LHFPL3: variants seen among roughly 807,000 people sequenced by gnomAD.
LHFPL3 encodes LHFPL tetraspan subfamily member 3, also known as LHFPL tetraspan subfamily member 3 protein.
LHFPL3 carries 5 observed loss-of-function variants against 19.3 expected under a neutral mutation model. The ratio of observed to expected loss-of-function variants is 0.26; its 90% confidence interval spans 0.14 to 0.54. LHFPL3 has a LOEUF of 0.54. Among genes scored for constraint, LHFPL3 ranks in the 20% least tolerant of loss-of-function variants. The pLI is 0.94. For missense variants in LHFPL3, 249 were observed against 307.4 expected, an observed-to-expected ratio of 0.81 and a Z score of 1.42; for synonymous variants, 133 against 126.2, an observed-to-expected ratio of 1.05 and a Z score of -0.36.
chr7:104,465,636 C>A (rs1039188035), intron 1 of LHFPL3, among the ~76,000 whole-genome samples: 1 of 152,148 alleles, frequency 6.6e-6, no homozygotes, highest in Admixed American at 6.5e-5. Flanking sequence ...GGGAAAGCCC[C>A]TTATAAAACC....
Position 104,508,189 on chromosome 7 carries a change from G to A in LHFPL3, c.445+178965G>A, listed in dbSNP as rs184236163. On this transcript the variant is annotated intron_variant, in intron 1 of 2. Transcript: ENST00000424859. ...GTTTATTGCGGCATTATTCACGATCGCAAACACTTGGAACCAACCCAAATG... is the reference window on the plus strand; with the variant it reads ...GTTTATTGCGGCATTATTCACGATCACAAACACTTGGAACCAACCCAAATG... Among the ~76,000 whole-genome samples, 601 of 152,132 alleles carry A rather than the reference G, an allele frequency of 4.0e-3. 5 individuals are homozygous for A. The highest frequency in any genetic ancestry group is 0.013 in the African/African-American group (557 of 41,468).
At chr7:104,768,364 G>A (rs571851902) in intron 2 of LHFPL3, among the ~76,000 whole-genome samples, 18 of 152,142 alleles carry the variant, frequency 1.2e-4, no homozygotes, top group Admixed American at 5.9e-4. Context: ...TTTGTGAACC[G>A]ACATCACACT....
intron 2 of LHFPL3, among the ~76,000 whole-genome samples, chr7:104,824,582 A>T (rs1313912883): frequency 3.0e-5 from 2 of 66,004 alleles, no homozygotes; most frequent in African/African-American, 5.6e-5. Flanking sequence ...TTTTATATAT[A>T]ATATATATAA....
At chr7:104,721,893 A>T (rs1288321648) in intron 1 of LHFPL3, among the ~76,000 whole-genome samples, 4 of 152,208 alleles carry the variant, frequency 2.6e-5, no homozygotes, top group African/African-American at 9.6e-5. Flanking sequence ...AGCTATTATT[A>T]TGATGTGTAT....
At chr7:104,514,456 A>C (rs1005874197) in intron 1 of LHFPL3, among the ~76,000 whole-genome samples, 10 of 152,192 alleles carry the variant, frequency 6.6e-5, no homozygotes, top group African/African-American at 2.4e-4. Flanking sequence ...AGCCACAGTC[A>C]CCAGCCCATT....
intron 1 of LHFPL3, among the ~76,000 whole-genome samples, chr7:104,374,346 A>T (rs1790669440): frequency 6.6e-6 from 1 of 151,972 alleles, no homozygotes; most frequent in Middle Eastern, 3.4e-3. Flanking sequence ...GGTTCAAGCG[A>T]TTCTCCTGCC....
chr7:104,346,825 CT>C (rs1229201840), intron 1 of LHFPL3, among the ~76,000 whole-genome samples: 1 of 151,204 alleles, frequency 6.6e-6, no homozygotes, highest in Non-Finnish European at 1.5e-5. Flanking sequence ...GACTAACACA[CT>C]TTCTAATGTT....
intron 1 of LHFPL3, among the ~76,000 whole-genome samples, chr7:104,691,711 G>C (rs753364747): frequency 3.9e-5 from 6 of 152,240 alleles, no homozygotes; most frequent in Non-Finnish European, 7.3e-5. Flanking sequence ...ACCTCTCTGA[G>C]TGGTCAAAAA....
At chr7:104,832,475 A>C (rs977541914) in intron 2 of LHFPL3, among the ~76,000 whole-genome samples, 1 of 151,800 alleles carries the variant, frequency 6.6e-6, no homozygotes, top group Non-Finnish European at 1.5e-5. Context: ...CCTGTAAAGC[A>C]TATTTAACTT....
intron 2 of LHFPL3, among the ~76,000 whole-genome samples, chr7:104,858,624 A>T (rs967250014): frequency 6.6e-6 from 1 of 152,130 alleles, no homozygotes; most frequent in African/African-American, 2.4e-5. Context: ...CCCTGCTGGG[A>T]TAAAACTCAT....
At chr7:104,710,148 C>T (rs1048868445) in intron 1 of LHFPL3, among the ~76,000 whole-genome samples, 17 of 152,208 alleles carry the variant, frequency 1.1e-4, no homozygotes, top group Non-Finnish European at 4.4e-5. Flanking sequence ...CGGCGAAACC[C>T]CATCTCCACC....
rs910524519 is a variant in LHFPL3, at chr7:104,669,149, C to G, written c.446-67526C>G. The G allele has an allele frequency of 4.3e-6, 7 of 1,613,216 alleles. No homozygotes were observed. The Admixed American group carries it at 1.2e-4, about 27-fold the overall frequency. ...TCTAAACCTCCCAAACCTGATCAGC[C>G]CCTAAAGGTAATGCCAGCCCCTCCA... On this transcript the variant is annotated intron_variant, in intron 1 of 2. Transcript: ENST00000424859.
intron 2 of LHFPL3, among the ~76,000 whole-genome samples, chr7:104,808,232 C>T (rs534339312): frequency 3.9e-5 from 6 of 152,232 alleles, no homozygotes; most frequent in Admixed American, 6.5e-5. Flanking sequence ...TTATCAAGCA[C>T]CTGCTAGCTA....
chr7:104,399,636 A>ATT lies in LHFPL3; in HGVS notation c.445+70428_445+70429dup, dbSNP rs1196165566. Among the ~76,000 whole-genome samples, 1,339 of 123,014 alleles carry ATT rather than the reference A, an allele frequency of 0.011. 26 individuals carry two copies. The highest frequency in any genetic ancestry group is 0.036 in the African/African-American group (1,205 of 33,090). 80.7% of individuals were successfully genotyped at this position (123,014 alleles called of 152,430 possible). On this transcript the variant is annotated intron_variant, in intron 1 of 2. Coordinates refer to ENST00000424859, the MANE Select transcript of LHFPL3 (RefSeq NM_199000.3). The surrounding 1 kb of genome is among the most constrained non-coding windows in gnomAD (Gnocchi z 4.4). ...GCCACCACACCGGGCTAAGTTTTGC[A>ATT]TTTTTTTTTTTTTTTTTGGTAGAGA...
At chr7:104,873,713 C>T (rs1201270292) in intron 2 of LHFPL3, among the ~76,000 whole-genome samples, 1 of 152,182 alleles carries the variant, frequency 6.6e-6, no homozygotes, top group African/African-American at 2.4e-5. Flanking sequence ...CTCATACACT[C>T]CCACACACAT....
At chr7:104,381,957 G>A (rs1790837630) in intron 1 of LHFPL3, among the ~76,000 whole-genome samples, 1 of 150,030 alleles carries the variant, frequency 6.7e-6, no homozygotes, top group Admixed American at 6.8e-5. Flanking sequence ...TTCATCATTT[G>A]AATTAACCTT....
intron 2 of LHFPL3, among the ~76,000 whole-genome samples, chr7:104,857,408 C>A (rs1049369620): frequency 2.0e-5 from 3 of 152,118 alleles, no homozygotes; most frequent in Non-Finnish European, 2.9e-5. Flanking sequence ...ATTATGGATT[C>A]ATGAAGTATA....
At chr7:104,778,449 A>G (rs115342067) in intron 2 of LHFPL3, among the ~76,000 whole-genome samples, 241 of 152,338 alleles carry the variant, frequency 1.6e-3, no homozygotes, top group African/African-American at 5.6e-3. Flanking sequence ...GACTTACCCA[A>G]GAGGCGTCCT....
intron 1 of LHFPL3, among the ~76,000 whole-genome samples, chr7:104,645,582 A>T (rs1167982523): frequency 6.6e-6 from 1 of 151,130 alleles, no homozygotes; most frequent in Non-Finnish European, 1.5e-5. Context: ...AGCAAAATGT[A>T]CCAAAGGTGC....
Sources: allele counts gnomAD v4.1 joint callset (sites outside exome capture counted in the v4.1 genomes callset), GRCh38; gene constraint gnomAD v4.1.1; non-coding constraint Gnocchi (gnomAD v3.1); transcripts MANE v1.5; gene names NCBI Gene and HGNC (gene_info 2026-07-23, HGNC 2026-07-21).